The following CHD8 variants were observed in gnomAD, a reference collection of about 807,000 sequenced individuals.
The protein encoded by CHD8 is ATP-dependent chromatin remodeler CHD8.
CHD8 carries 31 observed loss-of-function variants against 279.2 expected under a neutral mutation model. That is an observed-to-expected ratio of 0.11 (90% CI 0.08 to 0.15). The LOEUF is 0.15. CHD8 is among the 10% of genes least tolerant of loss of function. The pLI, the probability that CHD8 is intolerant of heterozygous loss-of-function variation, is 1.00. For synonymous variants in CHD8, 1,081 were observed against 1,139.6 expected (o/e 0.95, Z 1.04); for missense variants, 2,146 against 3,230.5 (o/e 0.66, Z 8.14).
intron 8 of CHD8, 148 bp downstream of exon 8, chr14:21,414,790 C>T (rs1888644883): frequency 1.5e-6 from 1 of 677,974 alleles, no homozygotes; most frequent in Non-Finnish European, 2.6e-6. Context: ...CTGAATTTCT[C>T]TCTGAATAGC....
At position 21,393,681 on chromosome 14, in the gene CHD8, T is replaced by C. The variant is rs754271776; in HGVS notation, c.6114A>G (p.Pro2038=). 1.2e-6 allele frequency: 2 copies of C among 1,613,908 alleles called. No homozygotes were observed. The highest frequency in any genetic ancestry group is 1.7e-6 in the Non-Finnish European group (2 of 1,179,862). Reference sequence around the variant, plus strand: ...GGGATACTCGCATCTCATAGTCTTGTGGGGTTGGTCGGCTCCTGGCCACCA... The same window carrying C: ...GGGATACTCGCATCTCATAGTCTTGCGGGGTTGGTCGGCTCCTGGCCACCA... ...HEVVARSRPT[P]QDYEMRVSPS... The change falls in exon 32 of 38, where the codon CCA becomes CCG. Residue 2038 remains proline, a synonymous_variant. Coordinates refer to ENST00000646647, the MANE Select transcript of CHD8 (RefSeq NM_001170629.2).
intron 26 of CHD8, chr14:21,399,053 G>A: frequency 2.6e-6 from 1 of 384,574 alleles, no homozygotes. Context: ...AGCAGCATCT[G>A]ATATTTGTGA....
intron 3 of CHD8, among the ~76,000 whole-genome samples, chr14:21,428,749 T>C (rs956971465): frequency 2.6e-5 from 4 of 152,180 alleles, no homozygotes; most frequent in Non-Finnish European, 4.4e-5. Flanking sequence ...AAATACTAAA[T>C]AATCTCATAT....
At position 21,409,871 on chromosome 14, in the gene CHD8, G is replaced by A; in HGVS notation, c.2344C>T (p.His782Tyr). 2 of 1,613,612 alleles carry A rather than the reference G, an allele frequency of 1.2e-6. No homozygotes were observed. The highest frequency in any genetic ancestry group is 1.7e-6 in the Non-Finnish European group (2 of 1,179,660). The change falls in exon 11 of 38, where the codon CAC (histidine) becomes TAC (tyrosine). Residue 782 changes from histidine (H) to tyrosine (Y), a missense_variant. By Grantham distance (83) the His-to-Tyr change is moderately conservative. This residue lies in a region of CHD8 where 211 missense variants were observed against 464.7 expected (regional missense o/e 0.45). Transcript: ENST00000646647. ...IREFKRIQSR[H>Y]PELKRVNRPQ... ...CTTACCACCCTTTTGAGTTCTGGGTGCCTTGACTGAATCCGTTTAAATTCT... is the reference window on the plus strand; with the variant it reads ...CTTACCACCCTTTTGAGTTCTGGGTACCTTGACTGAATCCGTTTAAATTCT...
At chr14:21,441,758 G>T (rs577786708) in intron 1 of CHD8, among the ~76,000 whole-genome samples, 4 of 152,088 alleles carry the variant, frequency 2.6e-5, no homozygotes, top group Admixed American at 6.5e-5. Flanking sequence ...GCGTGGTGGT[G>T]GGCACCTGTA....
rs1334151593 is a variant in CHD8 at position 21,399,234 on chromosome 14, C to A, written c.4921+368G>T. On this transcript the variant is annotated intron_variant, in intron 26 of 37. Transcript: ENST00000646647. ...CTGCTGCAATTGTTATGCTAGTGCA[C>A]ATCCAGAGGAAAGTCATATAAATTA... The A allele has an allele frequency of 1.3e-5, 4 of 298,438 alleles. No individual in the cohort carries two copies. The East Asian group carries it at 2.5e-4, about 19-fold the overall frequency. The allele number at this position is 298,438 out of a possible 1,614,324, so 18.5% of individuals were successfully genotyped here. A position where few individuals can be genotyped will look rare whatever the true frequency, so the allele number is the denominator to read the frequency against.
rs756384802 is a variant in CHD8, at chr14:21,392,586, G to C, written c.6692C>G (p.Ala2231Gly). 6.2e-7 allele frequency: 1 copy of C among 1,613,828 alleles called. No homozygotes were observed. The highest frequency in any genetic ancestry group is 8.5e-7 in the Non-Finnish European group (1 of 1,179,886). ...GAACTGGGCTGCCGCTGTGCTGACTGCAGATGCTTCCTCCTCTGCCATGGA... is the reference window on the plus strand; with the variant it reads ...GAACTGGGCTGCCGCTGTGCTGACTCCAGATGCTTCCTCCTCTGCCATGGA... ...AASMAEEEASAVSTAAAQFTK... is the reference protein window; with the variant it reads ...AASMAEEEASGVSTAAAQFTK... Residue 2231 changes from alanine (A) to glycine (G), a missense_variant, in exon 34 of 38, where the codon GCA (alanine) becomes GGA (glycine). Physicochemically the swap from Ala to Gly is moderately conservative, Grantham distance 60. Coordinates refer to ENST00000646647, the MANE Select transcript of CHD8 (RefSeq NM_001170629.2).
chr14:21,423,607 G>A (rs901938251), intron 5 of CHD8, among the ~76,000 whole-genome samples: 1 of 151,942 alleles, frequency 6.6e-6, no homozygotes, highest in Non-Finnish European at 1.5e-5. Flanking sequence ...CATGATCACA[G>A]CTCACTGCAG....
intron 27 of CHD8, chr14:21,397,474 G>A (rs1046224287): frequency 3.9e-5 from 17 of 432,770 alleles, no homozygotes; most frequent in African/African-American, 2.2e-4. Context: ...GGCTGAAAGC[G>A]CCTAAGGCTC....
chr14:21,431,825 A>G lies in CHD8; in HGVS notation c.-182T>C. On this transcript the variant is annotated 5_prime_UTR_variant, in exon 2 of 38. Transcript: ENST00000646647. The stretch of plus-strand genomic sequence containing the variant: ...ATTGTCCTGACCTTCATGGAGCAAG[A>G]TGGCTACGTCTTCAGAGGAAGATGG... 6.2e-7 allele frequency: 1 copy of G among 1,613,480 alleles called. No individual in the cohort carries two copies. Among genetic ancestry groups the G allele is most frequent in the African/African-American group, 1.3e-5 (1 of 75,058 alleles).
At chr14:21,395,647 CTA>C (rs1487656374) in intron 28 of CHD8, 168 bp downstream of exon 28, 1 of 609,888 alleles carries the variant, frequency 1.6e-6, no homozygotes, top group Non-Finnish European at 2.9e-6. Context: ...TGATCTCCCC[CTA>C]CTGGCATTAC....
At chr14:21,399,310 T>C (rs1887930968) in intron 26 of CHD8, 1 of 370,378 alleles carries the variant, frequency 2.7e-6, no homozygotes, top group East Asian at 5.6e-5. Context: ...CCCTGATTCA[T>C]GGGACCCTAA....
intron 5 of CHD8, among the ~76,000 whole-genome samples, chr14:21,417,869 T>C: frequency 1.5e-5 from 2 of 137,830 alleles, no homozygotes; most frequent in South Asian, 2.2e-4. Context: ...AAAAAAAATA[T>C]ATATATATAT....
At position 21,426,194 on chromosome 14, in the gene CHD8, A is replaced by G. The variant is rs749692135; in HGVS notation, c.1650T>C (p.Ser550=). ...VGKKRKRNTS[S]DNSDVEVMPA... ...GCATGACTTCCACATCTGAATTATCAGATGAGGTATTACGTTTTCTCTTCT... is the reference window on the plus strand; with the variant it reads ...GCATGACTTCCACATCTGAATTATCGGATGAGGTATTACGTTTTCTCTTCT... Residue 550 remains serine (S), a synonymous_variant, in exon 5 of 38, where the codon TCT becomes TCC. Transcript: ENST00000646647. 1.9e-6 allele frequency: 3 copies of G among 1,612,488 alleles called. No homozygotes were observed. The South Asian group carries it at 3.3e-5, about 18-fold the overall frequency.
chr14:21,403,643 T>C lies in CHD8; in HGVS notation c.3328A>G (p.Thr1110Ala). 1.3e-6 allele frequency: 2 copies of C among 1,592,808 alleles called. No individual in the cohort carries two copies. The highest frequency in any genetic ancestry group is 1.1e-5 in the South Asian group (1 of 87,968). Residue 1110 changes from threonine to alanine, a missense_variant, in exon 17 of 38, where the codon ACA becomes GCA. Physicochemically the swap from Thr to Ala is moderately conservative, Grantham distance 58. Transcript: ENST00000646647. This position sits in a 1 kb window ranked among gnomAD's most constrained non-coding sequence, Gnocchi z 4.3. Reference sequence around the variant, plus strand: ...ATATGGCAAGCTTCACGGAATTCTGTTAGGATTTTTTCTTCAGCACCTGCC... The same window carrying C: ...ATATGGCAAGCTTCACGGAATTCTGCTAGGATTTTTTCTTCAGCACCTGCC... The part of the protein sequence containing the change: ...LINGAEEKIL[T>A]EFREACHIIP...
At chr14:21,407,074 A>T in intron 13 of CHD8, 42 bp from the exon 14 acceptor site, 1 of 1,490,078 alleles carries the variant, frequency 6.7e-7, no homozygotes, top group Non-Finnish European at 9.0e-7. Flanking sequence ...CCAAAAATGT[A>T]CCTAAATGAG....
At chr14:21,422,200 G>A (rs979494767) in intron 5 of CHD8, among the ~76,000 whole-genome samples, 2 of 152,166 alleles carry the variant, frequency 1.3e-5, no homozygotes, top group African/African-American at 4.8e-5. Context: ...AATTAGCTGG[G>A]CATGGTGGCA....
intron 4 of CHD8, chr14:21,427,273 AT>A (rs1206785098): frequency 1.1e-5 from 3 of 261,406 alleles, no homozygotes; most frequent in African/African-American, 7.2e-5. Flanking sequence ...GGAGTACTCA[AT>A]CTTGAGCTTG....
chr14:21,399,731 G>T, intron 25 of CHD8, 26 bp from the exon 26 acceptor site: 2 of 1,428,156 alleles, frequency 1.4e-6, no homozygotes, highest in Non-Finnish European at 2.0e-6. Flanking sequence ...GGCAGAGTCA[G>T]CACAGAAATG....
Sources: gnomAD v4.1 joint callset for allele counts (sites outside exome capture counted in the v4.1 genomes callset) on GRCh38, gnomAD v4.1.1 for gene constraint, gnomAD v4.1.1 regional missense constraint, Gnocchi (gnomAD v3.1) non-coding constraint, MANE v1.5 for transcripts, NCBI Gene and HGNC (gene_info 2026-07-23, HGNC 2026-07-21) for gene names.